ARHGAP6: variants seen among roughly 807,000 people sequenced by gnomAD.
ARHGAP6 encodes the protein Rho GTPase activating protein 6, also known as rho GTPase-activating protein 6.
Under a neutral mutation model 55.7 loss-of-function variants are expected in ARHGAP6, and 16 were observed. That is an observed-to-expected ratio of 0.29 (90% CI 0.19 to 0.44). The LOEUF (loss-of-function observed/expected upper bound fraction) is 0.44, where lower values mean the gene tolerates loss of function less well. ARHGAP6 is among the 20% of genes least tolerant of loss of function. The pLI, the probability that ARHGAP6 is intolerant of heterozygous loss-of-function variation, is 1.00. For synonymous variants in ARHGAP6, 382 were observed against 360.9 expected (o/e 1.06, Z -0.66); for missense variants, 698 against 808.9 (o/e 0.86, Z 1.66).
intron 1 of ARHGAP6, among the ~76,000 whole-genome samples, chrX:11,514,838 GCACACACACACACACACACA>G (rs71928650): frequency 1.0e-5 from 1 of 96,242 alleles, no homozygotes. Context: ...TCTATGCATT[GCACACACACACACACACACA>G]CACACACACA....
chrX:11,307,439 C>T (rs1462988262), intron 1 of ARHGAP6, among the ~76,000 whole-genome samples: 2 of 112,100 alleles, frequency 1.8e-5, no homozygotes, highest in Non-Finnish European at 3.8e-5. Flanking sequence ...TGTTAGCTAT[C>T]AAGGCAGCAG....
intron 1 of ARHGAP6, among the ~76,000 whole-genome samples, chrX:11,509,322 G>A (rs1048280700): frequency 8.9e-6 from 1 of 112,114 alleles, no homozygotes; most frequent in African/African-American, 3.2e-5. Flanking sequence ...AAGTAGAAAA[G>A]AAGGGGGATA....
intron 1 of ARHGAP6, among the ~76,000 whole-genome samples, chrX:11,541,531 C>T (rs1398266348): frequency 8.9e-6 from 1 of 111,883 alleles, no homozygotes; most frequent in African/African-American, 3.3e-5. Flanking sequence ...TCAGGATCAG[C>T]AAGGCTCTGG....
At chrX:11,386,126 A>G (rs987037344) in intron 1 of ARHGAP6, among the ~76,000 whole-genome samples, 5 of 112,958 alleles carry the variant, frequency 4.4e-5, no homozygotes, top group Non-Finnish European at 9.4e-5. Context: ...TCTCAGTGAA[A>G]AGGCCCAAAG....
At chrX:11,579,581 C>T (rs2051641487) in intron 1 of ARHGAP6, among the ~76,000 whole-genome samples, 1 of 112,113 alleles carries the variant, frequency 8.9e-6, no homozygotes, top group African/African-American at 3.2e-5. Flanking sequence ...CATAGTCCTT[C>T]TTACCTTCAG....
intron 1 of ARHGAP6, among the ~76,000 whole-genome samples, chrX:11,459,396 G>A (rs963186804): frequency 2.2e-4 from 24 of 111,452 alleles, no homozygotes; most frequent in African/African-American, 7.5e-4. Context: ...AACACATTCT[G>A]ACTCAAGTAT....
intron 1 of ARHGAP6, among the ~76,000 whole-genome samples, chrX:11,511,582 G>A (rs2050785005): frequency 8.9e-6 from 1 of 112,124 alleles, no homozygotes; most frequent in South Asian, 3.7e-4. Flanking sequence ...AAGAAGGCAT[G>A]GGACTGAAGG....
intron 1 of ARHGAP6, among the ~76,000 whole-genome samples, chrX:11,617,913 A>G (rs1225039406): frequency 9.0e-6 from 1 of 111,081 alleles, no homozygotes; most frequent in Non-Finnish European, 1.9e-5. Context: ...TTCTCAAAAC[A>G]TTTGCTCCCC....
At chrX:11,298,549 A>G in intron 1 of ARHGAP6, 1 of 1,210,763 alleles carries the variant, frequency 8.3e-7, no homozygotes. Flanking sequence ...TCTCACCAGT[A>G]CCCTTCCTAT....
In ARHGAP6 at chrX:11,180,903, G is replaced by C. The variant is rs2046305958; in HGVS notation, c.1329+1160C>G. ...GCTTCTTTTCTGAGTATACGTACAT[G>C]CAGAAAGAATGGAACATGCAAAGAG... On this transcript the variant is annotated intron_variant, in intron 6 of 12. Coordinates refer to ENST00000337414, the MANE Select transcript of ARHGAP6 (RefSeq NM_013427.3). Among the ~76,000 whole-genome samples the C allele has an allele frequency of 3.6e-5, 4 of 112,389 alleles. No individual in the cohort carries two copies. The Admixed American group carries it at 3.8e-4, about 11-fold the overall frequency.
chrX:11,533,018 T>C (rs2051067767), intron 1 of ARHGAP6, among the ~76,000 whole-genome samples: 1 of 111,766 alleles, frequency 8.9e-6, no homozygotes, highest in Non-Finnish European at 1.9e-5. Flanking sequence ...TCAGGATTCA[T>C]CTGTTTCAAC....
chrX:11,159,545 C>T (rs1163098993), intron 9 of ARHGAP6, among the ~76,000 whole-genome samples: 1 of 110,963 alleles, frequency 9.0e-6, no homozygotes, highest in East Asian at 2.8e-4. Flanking sequence ...GGGGCCTAGG[C>T]AACTAGAAAG....
chrX:11,275,353 A>G (rs1044101490), intron 1 of ARHGAP6, among the ~76,000 whole-genome samples: 8 of 111,985 alleles, frequency 7.1e-5, no homozygotes, highest in African/African-American at 2.6e-4. Flanking sequence ...AATACACACA[A>G]TAAAATTAGG....
At chrX:11,178,290 C>T in intron 7 of ARHGAP6, 42 bp from the exon 8 acceptor site, 1 of 1,157,148 alleles carries the variant, frequency 8.6e-7, no homozygotes, top group South Asian at 2.0e-5. Context: ...AAGGGGAGCC[C>T]ATACTATTCA....
chrX:11,150,428 A>AT (rs749485388), intron 10 of ARHGAP6, among the ~76,000 whole-genome samples: 19,998 of 109,507 alleles, frequency 0.18, 1,424 homozygotes, highest in Middle Eastern at 0.28. Flanking sequence ...TTTTGTGTAT[A>AT]TTTTTTTTTC....
intron 1 of ARHGAP6, among the ~76,000 whole-genome samples, chrX:11,292,942 G>T (rs2048019894): frequency 8.9e-6 from 1 of 111,741 alleles, no homozygotes; most frequent in Non-Finnish European, 1.9e-5. Context: ...ATTCCTCAGA[G>T]AGAAACTAGA....
chrX:11,174,637 T>TTCTTTCTTTCTCTTTCTTTTCTG (rs2046170221), intron 8 of ARHGAP6, among the ~76,000 whole-genome samples: 1 of 67,063 alleles, frequency 1.5e-5, no homozygotes, highest in African/African-American at 6.6e-5. Flanking sequence ...CTTTCTTTCT[T>TTCTTTCTTTCTCTTTCTTTTCTG]TCTTTCTTTC....
intron 1 of ARHGAP6, among the ~76,000 whole-genome samples, chrX:11,520,651 A>T (rs1241203023): frequency 4.5e-5 from 5 of 111,312 alleles, no homozygotes; most frequent in African/African-American, 9.8e-5. Flanking sequence ...TAGCAGCATG[A>T]TTTATAATCC....
At chrX:11,523,107 C>T (rs1371775002) in intron 1 of ARHGAP6, among the ~76,000 whole-genome samples, 1 of 111,881 alleles carries the variant, frequency 8.9e-6, no homozygotes, top group African/African-American at 3.2e-5. Flanking sequence ...TATAATCCAG[C>T]ATATAAACAG....
Sources: allele counts gnomAD v4.1 joint callset (sites outside exome capture counted in the v4.1 genomes callset), GRCh38; gene constraint gnomAD v4.1.1; transcripts MANE v1.5; gene names NCBI Gene and HGNC (gene_info 2026-07-23, HGNC 2026-07-21).